Variants in LIPA observed in about 807,000 individuals in gnomAD.
LIPA encodes the protein lipase A, lysosomal acid type.
A neutral mutation model predicts 40.6 loss-of-function variants in LIPA; 26 were observed. The ratio of observed to expected loss-of-function variants is 0.64; its 90% CI spans 0.47 to 0.89. The LOEUF is 0.89. LIPA is among the 40% of genes least tolerant of loss of function. The probability of loss-of-function intolerance (pLI) is 0.00; values close to 1 mark genes in which losing one functional copy is unlikely to be tolerated. For missense variants in LIPA, 455 were observed against 479.6 expected (o/e 0.95, Z 0.48); for synonymous variants, 188 against 168.4 (o/e 1.12, Z -0.90).
intron 3 of LIPA, among the ~76,000 whole-genome samples, chr10:89,240,320 G>A (rs1224958633): frequency 6.6e-6 from 1 of 152,174 alleles, no homozygotes; most frequent in African/African-American, 2.4e-5. Flanking sequence ...CAGAGGCTGG[G>A]CACCATGGTT....
chr10:89,359,383 T>C (rs1166604043), intron 2 of LIPA, among the ~76,000 whole-genome samples: 1 of 152,240 alleles, frequency 6.6e-6, no homozygotes, highest in Admixed American at 6.5e-5. Flanking sequence ...AATAGGATAT[T>C]GGTGAGAGAG....
chr10:89,219,914 G>A (rs1430006371), intron 8 of LIPA, among the ~76,000 whole-genome samples: 1 of 152,240 alleles, frequency 6.6e-6, no homozygotes, highest in Non-Finnish European at 1.5e-5. Flanking sequence ...TATATTCCAG[G>A]GTAGTTAGAA....
At chr10:89,273,805 T>C (rs567230685) in intron 1 of LIPA, among the ~76,000 whole-genome samples, 346 of 152,330 alleles carry the variant, frequency 2.3e-3, no homozygotes, top group African/African-American at 8.0e-3. Context: ...AGATGCTCTG[T>C]GAACATGAAG....
intron 1 of LIPA, among the ~76,000 whole-genome samples, chr10:89,264,880 C>G (rs1843227252): frequency 6.6e-6 from 1 of 152,250 alleles, no homozygotes; most frequent in African/African-American, 2.4e-5. Context: ...AGGGGCCTAT[C>G]TGCTTCCTGC....
chr10:89,411,219 G>A (rs980867828), intron 2 of LIPA, among the ~76,000 whole-genome samples: 2 of 152,072 alleles, frequency 1.3e-5, no homozygotes, highest in Non-Finnish European at 2.9e-5. Flanking sequence ...CCCATACAAA[G>A]GTCTGACCAG....
intron 1 of LIPA, chr10:89,306,777 T>C: frequency 6.2e-7 from 1 of 1,614,130 alleles, no homozygotes; most frequent in Non-Finnish European, 8.5e-7. Flanking sequence ...AAAAAGGCTT[T>C]AGAATACATA....
chr10:89,397,086 C>T (rs1844354965), intron 2 of LIPA, among the ~76,000 whole-genome samples: 2 of 152,060 alleles, frequency 1.3e-5, no homozygotes, highest in Non-Finnish European at 2.9e-5. Context: ...TATGAAAGTC[C>T]ATCAAACTCA....
At chr10:89,306,258 C>T (rs1472975491) in intron 1 of LIPA, 1 of 1,614,108 alleles carries the variant, frequency 6.2e-7, no homozygotes, top group Non-Finnish European at 8.5e-7. Context: ...GGAAACTATG[C>T]CTGGGTCTAC....
chr10:89,287,757 G>C (rs1475340905), intron 1 of LIPA, among the ~76,000 whole-genome samples: 1 of 152,142 alleles, frequency 6.6e-6, no homozygotes, highest in Non-Finnish European at 1.5e-5. Flanking sequence ...GCCTTTTAAA[G>C]CCTATAAACT....
At chr10:89,293,197 C>T (rs1199127572) in intron 1 of LIPA, among the ~76,000 whole-genome samples, 2 of 152,194 alleles carry the variant, frequency 1.3e-5, no homozygotes, top group East Asian at 3.9e-4. Flanking sequence ...CTTACATTCA[C>T]TCCCTCCTGC....
intron 2 of LIPA, among the ~76,000 whole-genome samples, chr10:89,356,484 C>T (rs1034555403): frequency 9.2e-5 from 14 of 152,096 alleles, no homozygotes; most frequent in Non-Finnish European, 1.6e-4. Context: ...GTCTGAGTTC[C>T]GCCTCCTGTC....
intron 2 of LIPA, among the ~76,000 whole-genome samples, chr10:89,369,324 C>G (rs1844079405): frequency 6.6e-6 from 1 of 152,224 alleles, no homozygotes; most frequent in Non-Finnish European, 1.5e-5. Context: ...CCACTGACCA[C>G]AGGCCACGTC....
At chr10:89,408,172 C>A (rs1307872134) in intron 2 of LIPA, among the ~76,000 whole-genome samples, 7 of 152,162 alleles carry the variant, frequency 4.6e-5, no homozygotes, top group African/African-American at 7.2e-5. Flanking sequence ...ACCAATTTGA[C>A]CTGCAAACCC....
chr10:89,390,137 C>G (rs1258827310), intron 2 of LIPA, among the ~76,000 whole-genome samples: 1 of 151,976 alleles, frequency 6.6e-6, no homozygotes, highest in Admixed American at 6.6e-5. Context: ...CAGGCATGTG[C>G]CACCACGCCC....
chr10:89,412,321 G>C (rs1841475370), intron 2 of LIPA, among the ~76,000 whole-genome samples: 1 of 152,006 alleles, frequency 6.6e-6, no homozygotes, highest in Non-Finnish European at 1.5e-5. Context: ...GTAGCTAAAA[G>C]TTTGTAAACG....
chr10:89,278,851 T>TATATATATAAAATATATAAAA (rs1264881611), intron 1 of LIPA, among the ~76,000 whole-genome samples: 4 of 151,208 alleles, frequency 2.6e-5, no homozygotes, highest in Non-Finnish European at 4.4e-5. Context: ...ATAAAATTAC[T>TATATATATAAAATATATAAAA]TTTATATATA....
chr10:89,261,681 C>A (rs1425323894), intron 1 of LIPA, among the ~76,000 whole-genome samples: 1 of 152,180 alleles, frequency 6.6e-6, no homozygotes, highest in Non-Finnish European at 1.5e-5. Context: ...GTCCAGCCCC[C>A]TCTCAGTGCA....
At chr10:89,394,350 T>C (rs752132045) in intron 2 of LIPA, among the ~76,000 whole-genome samples, 21 of 152,148 alleles carry the variant, frequency 1.4e-4, no homozygotes, top group Non-Finnish European at 3.1e-4. Context: ...GATCCTGATT[T>C]TACAATAAGG....
At chr10:89,378,299 G>GTTC (rs1844137296) in intron 2 of LIPA, among the ~76,000 whole-genome samples, 1 of 152,176 alleles carries the variant, frequency 6.6e-6, no homozygotes, top group Non-Finnish European at 1.5e-5. Flanking sequence ...ACCAAGAAGA[G>GTTC]TTTAATAAGG....
Sources: gnomAD v4.1 joint callset for allele counts (sites outside exome capture counted in the v4.1 genomes callset) on GRCh38, gnomAD v4.1.1 for gene constraint, MANE v1.5 for transcripts, NCBI Gene and HGNC (gene_info 2026-07-23, HGNC 2026-07-21) for gene names.